TNRC6C: variants seen among roughly 807,000 people sequenced by gnomAD.
TNRC6C encodes the protein trinucleotide repeat-containing gene 6C protein.
Under a neutral mutation model 153.7 loss-of-function variants are expected in TNRC6C, and 20 were observed. The ratio of observed to expected loss-of-function variants is 0.13; its 90% CI spans 0.09 to 0.19. The LOEUF (loss-of-function observed/expected upper bound fraction) is 0.19, where lower values mean the gene tolerates loss of function less well. Ranked by LOEUF, TNRC6C falls within the 10% of genes least tolerant of loss-of-function variation. The pLI, the probability that TNRC6C is intolerant of heterozygous loss-of-function variation, is 1.00. For synonymous variants in TNRC6C, 811 were observed against 841.4 expected (o/e 0.96, Z 0.63); for missense variants, 1,987 against 2,172.0 (o/e 0.91, Z 1.69).
rs373843245 is a variant in TNRC6C, at chr17:78,050,347, C to G, written c.1285C>G (p.Gln429Glu). ...AAGGCGAGATAAAGGGATTATAGACCAAGGGCACATCCAGTTGCCAAGGAA... is the reference window on the plus strand; with the variant it reads ...AAGGCGAGATAAAGGGATTATAGACGAAGGGCACATCCAGTTGCCAAGGAA... Residue 429 changes from glutamine to glutamate, a missense_variant, in exon 3 of 20, where the codon CAA (glutamine) becomes GAA (glutamate). This residue lies in a region of TNRC6C where 1,052 missense variants were observed against 1,017.0 expected (regional missense o/e 1.03). Coordinates refer to ENST00000301624, the Ensembl canonical transcript of TNRC6C. The G allele has an allele frequency of 1.2e-5, 19 of 1,609,844 alleles. No homozygotes were observed. The Middle Eastern group carries it at 9.9e-4, about 84-fold the overall frequency.
chr17:78,083,211 C>CAGA (rs1438931069), intron 11 of TNRC6C, 45 bp downstream of exon 13: 1 of 1,610,030 alleles, frequency 6.2e-7, no homozygotes, highest in Admixed American at 1.7e-5. Flanking sequence ...AGGCCGAGTG[C>CAGA]AGATGCACGG....
exon 2 of TNRC6C, chr17:78,031,688 G>A (rs2072077640): frequency 8.9e-6 from 11 of 1,232,348 alleles, no homozygotes; most frequent in Non-Finnish European, 1.1e-5. Context: ...GCTTCCGCCA[G>A]CAAGAACAGA....
exon 20 of TNRC6C, chr17:78,106,117 C>T (rs1261197188): frequency 6.6e-6 from 1 of 151,720 alleles, no homozygotes; most frequent in African/African-American, 2.4e-5. Context: ...TGGATGGTTC[C>T]GTGGAAGGAA....
intron 17 of TNRC6C, among the ~76,000 whole-genome samples, 174 bp from the exon 21 acceptor site, chr17:78,102,300 G>A (rs1307493365): frequency 4.6e-5 from 7 of 152,204 alleles, no homozygotes; most frequent in African/African-American, 1.7e-4. Context: ...TGCAGGGACT[G>A]TGAGGTTTTG....
intron 1 of TNRC6C, among the ~76,000 whole-genome samples, chr17:78,014,742 A>G (rs1332160526): frequency 1.3e-5 from 2 of 151,612 alleles, no homozygotes; most frequent in African/African-American, 4.9e-5. Context: ...ACACTAAGTT[A>G]ATGTAGTTTG....
intron 1 of TNRC6C, among the ~76,000 whole-genome samples, chr17:77,966,046 G>A (rs1300299284): frequency 1.3e-5 from 2 of 152,194 alleles, no homozygotes; most frequent in African/African-American, 4.8e-5. Flanking sequence ...AGTTCTGAAA[G>A]GCTGGCAAAG....
intron 1 of TNRC6C, among the ~76,000 whole-genome samples, chr17:78,023,211 G>A (rs2071870083): frequency 6.6e-6 from 1 of 152,150 alleles, no homozygotes; most frequent in Non-Finnish European, 1.5e-5. Context: ...TTTATAACAG[G>A]GACTTGAGCA....
chr17:77,979,251 TAGA>T (rs1295338173), intron 1 of TNRC6C, among the ~76,000 whole-genome samples: 1 of 152,214 alleles, frequency 6.6e-6, no homozygotes, highest in Non-Finnish European at 1.5e-5. Context: ...TTAAAATAGC[TAGA>T]AGAGAAGAAT....
At chr17:78,100,433 A>C (rs1379848227) in intron 17 of TNRC6C, among the ~76,000 whole-genome samples, 2 of 152,208 alleles carry the variant, frequency 1.3e-5, no homozygotes, top group African/African-American at 4.8e-5. Flanking sequence ...GAGTCTCAAC[A>C]CCACGTGGAA....
At chr17:77,971,298 C>T (rs945841105) in intron 1 of TNRC6C, among the ~76,000 whole-genome samples, 4 of 152,152 alleles carry the variant, frequency 2.6e-5, no homozygotes, top group African/African-American at 9.7e-5. Flanking sequence ...AGATCAAATT[C>T]TAAATTTCCT....
chr17:78,049,874 A>G lies in TNRC6C; in HGVS notation c.812A>G (p.Asp271Gly). The stretch of plus-strand genomic sequence containing the variant: ...TCTGGGTTCAGTCAGGGGAATGGAG[A>G]CACTGTGAACTCAGCATTAAGTGCT... The change falls in exon 3 of 20, where the codon GAC becomes GGC. Residue 271 changes from aspartate (D) to glycine (G), a missense_variant. Asp to Gly is a moderately conservative substitution (Grantham distance 94, BLOSUM62 -1). Transcript: ENST00000301624. The surrounding 1 kb of genome is among the most constrained non-coding windows in gnomAD (Gnocchi z 4.1). The G allele has an allele frequency of 1.9e-6, 3 of 1,614,018 alleles. No homozygotes were observed. The South Asian group carries it at 3.3e-5, about 18-fold the overall frequency.
intron 5 of TNRC6C, among the ~76,000 whole-genome samples, chr17:78,070,190 G>A (rs1444236360): frequency 6.6e-6 from 1 of 152,164 alleles, no homozygotes; most frequent in East Asian, 1.9e-4. Context: ...AAATAATCCA[G>A]TTAATGATGG....
intron 2 of TNRC6C, among the ~76,000 whole-genome samples, chr17:78,036,825 G>A (rs2072189069): frequency 6.6e-6 from 1 of 151,798 alleles, no homozygotes; most frequent in African/African-American, 2.4e-5. Flanking sequence ...TCGGGAGGCT[G>A]AGGCAAGAGA....
intron 3 of TNRC6C, among the ~76,000 whole-genome samples, chr17:78,064,080 G>A (rs1158145304): frequency 6.6e-6 from 1 of 152,142 alleles, no homozygotes; most frequent in African/African-American, 2.4e-5. Flanking sequence ...TTCTTGCTCT[G>A]TCGCCCAGGC....
chr17:78,074,966 C>G (rs1200467035), intron 7 of TNRC6C, among the ~76,000 whole-genome samples, 170 bp from the exon 10 acceptor site: 1 of 152,230 alleles, frequency 6.6e-6, no homozygotes, highest in Non-Finnish European at 1.5e-5. Context: ...CTTGGCAGCC[C>G]CTTGTTGGGC....
At chr17:78,092,995 G>A in exon 15 of TNRC6C, 1 of 1,613,866 alleles carries the variant, frequency 6.2e-7, no homozygotes, top group Non-Finnish European at 8.5e-7. Flanking sequence ...TGACTCCTAT[G>A]GCCGGTACGA....
intron 1 of TNRC6C, among the ~76,000 whole-genome samples, chr17:77,962,474 A>G (rs2070869191): frequency 1.3e-5 from 2 of 152,248 alleles, no homozygotes; most frequent in Non-Finnish European, 2.9e-5. Context: ...ATTTGGGGAT[A>G]GAGCAAGCAA....
chr17:77,994,809 CATCT>C (rs1274287798), intron 1 of TNRC6C, among the ~76,000 whole-genome samples: 1 of 151,764 alleles, frequency 6.6e-6, no homozygotes, highest in African/African-American at 2.4e-5. Context: ...TATTTCACTC[CATCT>C]GTCAGGGTTG....
At position 78,064,719 on chromosome 17, in the gene TNRC6C, CAG is replaced by C; in HGVS notation, c.2396-2_2396-1del. 6.2e-7 allele frequency: 1 copy of C among 1,611,880 alleles called. No homozygotes were observed. Among genetic ancestry groups the C allele is most frequent in the Non-Finnish European group, 8.5e-7 (1 of 1,179,302 alleles). ...TTTCTCTACCCCTTGGAACCTTTTT[CAG>C]TTTCATCAGGCTGGGGAGAAATGCC... is the stretch of plus-strand genomic sequence containing the variant. On this transcript the variant is annotated splice_acceptor_variant, in intron 3 of 19. Transcript: ENST00000301624. LOFTEE classifies it high-confidence loss of function.
Sources: allele counts gnomAD v4.1 joint callset (sites outside exome capture counted in the v4.1 genomes callset), GRCh38; gene constraint gnomAD v4.1.1; regional missense constraint gnomAD v4.1.1; non-coding constraint Gnocchi (gnomAD v3.1); transcripts MANE v1.5; gene names NCBI Gene and HGNC (gene_info 2026-07-23, HGNC 2026-07-21).